The following ZMIZ1 variants were observed in gnomAD, a reference collection of about 807,000 sequenced individuals.
ZMIZ1 encodes zinc finger MIZ-type containing 1.
A neutral mutation model predicts 113.9 loss-of-function variants in ZMIZ1; 17 were observed. The observed-to-expected ratio is 0.15, with a 90% confidence interval of 0.10 to 0.22. ZMIZ1 has a LOEUF of 0.22. Among genes scored for constraint, ZMIZ1 ranks in the 10% least tolerant of loss-of-function variants. The pLI, the probability that ZMIZ1 is intolerant of heterozygous loss-of-function variation, is 1.00. For missense variants in ZMIZ1, 1,059 were observed against 1,477.8 expected (o/e 0.72, Z 4.65); for synonymous variants, 607 against 603.1 (o/e 1.01, Z -0.09).
intron 4 of ZMIZ1, among the ~76,000 whole-genome samples, chr10:79,179,397 G>A (rs1209425283): frequency 6.6e-6 from 1 of 152,266 alleles, no homozygotes; most frequent in Non-Finnish European, 1.5e-5. Context: ...AGTAAGAGAG[G>A]TGAGGTAACT....
intron 4 of ZMIZ1, among the ~76,000 whole-genome samples, chr10:79,182,448 T>G (rs1847160703): frequency 1.3e-5 from 2 of 151,972 alleles, no homozygotes; most frequent in Non-Finnish European, 2.9e-5. Flanking sequence ...AGGTATGGGC[T>G]GGGTTTGGGG....
intron 4 of ZMIZ1, among the ~76,000 whole-genome samples, chr10:79,197,864 G>A (rs2132639414): frequency 6.6e-6 from 1 of 152,224 alleles, no homozygotes; most frequent in Middle Eastern, 3.4e-3. Context: ...GTAGGTAAAT[G>A]TGGGCTTGGA....
At chr10:79,100,697 G>A (rs1259033487) in intron 1 of ZMIZ1, among the ~76,000 whole-genome samples, 12 of 152,332 alleles carry the variant, frequency 7.9e-5, no homozygotes, top group African/African-American at 2.6e-4. Context: ...CTGCGTTCCA[G>A]GAGAGAGGGC....
chr10:79,089,788 A>G (rs1206562263), intron 1 of ZMIZ1, among the ~76,000 whole-genome samples: 1 of 137,704 alleles, frequency 7.3e-6, no homozygotes, highest in African/African-American at 2.7e-5. Context: ...CCAGACCCCC[A>G]CCCCCTACCC....
chr10:79,149,971 T>C lies in ZMIZ1; in HGVS notation c.-131+10194T>C, dbSNP rs561867818. 2.0e-5 allele frequency among the ~76,000 whole-genome samples: 3 copies of C among 152,348 alleles called. No homozygotes were observed. The South Asian group carries it at 6.2e-4, about 32-fold the overall frequency. On this transcript the variant is annotated intron_variant, in intron 3 of 24. Coordinates refer to ENST00000334512, the MANE Select transcript of ZMIZ1 (RefSeq NM_020338.4). ...CTAGAGGTAAGAGGCCAAAGGCCACTAAGCAGGCCAGCGTGGCCTGCCCAC... is the reference window on the plus strand; with the variant it reads ...CTAGAGGTAAGAGGCCAAAGGCCACCAAGCAGGCCAGCGTGGCCTGCCCAC...
chr10:79,293,781 CT>C (rs750891483), intron 12 of ZMIZ1, 128 bp downstream of exon 12: 55 of 1,422,078 alleles, frequency 3.9e-5, no homozygotes, highest in Non-Finnish European at 4.9e-5. Context: ...GAGGCAGGGG[CT>C]TAGGGGTCAG....
At chr10:79,115,850 T>G (rs544279574) in intron 1 of ZMIZ1, among the ~76,000 whole-genome samples, 116 of 152,362 alleles carry the variant, frequency 7.6e-4, no homozygotes, top group African/African-American at 2.7e-3. Flanking sequence ...CACTCAGGGC[T>G]GATGGACAAT....
intron 4 of ZMIZ1, among the ~76,000 whole-genome samples, chr10:79,200,153 G>C (rs1307487380): frequency 6.6e-6 from 1 of 152,232 alleles, no homozygotes; most frequent in Admixed American, 6.5e-5. Flanking sequence ...TTAGTGGGGA[G>C]TGCGACAGAG....
At chr10:79,254,467 G>C (rs1279740783) in intron 7 of ZMIZ1, among the ~76,000 whole-genome samples, 1 of 152,262 alleles carries the variant, frequency 6.6e-6, no homozygotes, top group Non-Finnish European at 1.5e-5. Flanking sequence ...GCCCAGGCAG[G>C]GTCCCATGGG....
chr10:79,209,582 C>T (rs12357296), intron 6 of ZMIZ1, among the ~76,000 whole-genome samples: 19,150 of 152,302 alleles, frequency 0.13, 1,531 homozygotes, highest in Admixed American at 0.18. Context: ...GCATGGCCCA[C>T]GGGCACCAGG....
intron 3 of ZMIZ1, among the ~76,000 whole-genome samples, chr10:79,145,849 G>A (rs1845459009): frequency 6.6e-6 from 1 of 152,174 alleles, no homozygotes; most frequent in Non-Finnish European, 1.5e-5. Flanking sequence ...TGGGACTATA[G>A]ATGCATTCCA....
chr10:79,079,243 T>C (rs1842579319), intron 1 of ZMIZ1, among the ~76,000 whole-genome samples: 2 of 152,270 alleles, frequency 1.3e-5, no homozygotes, highest in Admixed American at 1.3e-4. Context: ...CCCAGAGTTT[T>C]GCTGGCTGTC....
intron 4 of ZMIZ1, among the ~76,000 whole-genome samples, chr10:79,163,033 G>A (rs556023307): frequency 8.0e-5 from 12 of 149,706 alleles, no homozygotes; most frequent in Admixed American, 5.3e-4. Context: ...GTGCCCGAGG[G>A]TGACCTGTGT....
chr10:79,078,115 G>T (rs779319996), intron 1 of ZMIZ1, among the ~76,000 whole-genome samples: 2 of 152,218 alleles, frequency 1.3e-5, no homozygotes, highest in African/African-American at 2.4e-5. Flanking sequence ...AGGGCAGCTT[G>T]TTCCCCTTGG....
chr10:79,089,619 A>G (rs1165675844), intron 1 of ZMIZ1, among the ~76,000 whole-genome samples: 3 of 152,108 alleles, frequency 2.0e-5, no homozygotes, highest in Non-Finnish European at 4.4e-5. Context: ...TGCCTGCTGC[A>G]TGCTCCCTGA....
At chr10:79,293,960 A>G in intron 12 of ZMIZ1, 1 of 498,122 alleles carries the variant, frequency 2.0e-6, no homozygotes, top group Non-Finnish European at 3.7e-6. Flanking sequence ...CTCTTACTGT[A>G]GTGACTCTTG....
chr10:79,199,908 A>G (rs1489151121), intron 4 of ZMIZ1, among the ~76,000 whole-genome samples: 2 of 152,204 alleles, frequency 1.3e-5, no homozygotes, highest in Admixed American at 6.5e-5. Context: ...GGGCCAGGCA[A>G]TGGTGTTGGG....
chr10:79,105,529 A>G (rs971596083), intron 1 of ZMIZ1, among the ~76,000 whole-genome samples: 3 of 152,152 alleles, frequency 2.0e-5, no homozygotes, highest in Admixed American at 2.0e-4. Flanking sequence ...GGACTGAGAA[A>G]ACCCCTCCGC....
intron 1 of ZMIZ1, among the ~76,000 whole-genome samples, chr10:79,112,929 C>T (rs185171315): frequency 6.6e-6 from 1 of 152,366 alleles, no homozygotes; most frequent in African/African-American, 2.4e-5. Context: ...GGCGAGGGTG[C>T]TATCAACACT....
Sources: allele counts gnomAD v4.1 joint callset (sites outside exome capture counted in the v4.1 genomes callset), GRCh38; gene constraint gnomAD v4.1.1; transcripts MANE v1.5; gene names NCBI Gene and HGNC (gene_info 2026-07-23, HGNC 2026-07-21).